Variants in GLDN observed in about 807,000 individuals in gnomAD.
GLDN encodes gliomedin.
In GLDN, 47 loss-of-function variants were observed where a neutral mutation model predicts 56.5. That is an observed-to-expected ratio of 0.83 (90% confidence interval 0.66 to 1.06). GLDN has a LOEUF of 1.06. Among genes scored for constraint, GLDN ranks in the 50% least tolerant of loss-of-function variants. The pLI, the probability that GLDN is intolerant of heterozygous loss-of-function variation, is 0.00. For synonymous variants in GLDN, 332 were observed against 278.8 expected, an observed-to-expected ratio of 1.19 and a Z score of -1.90; for missense variants, 782 against 714.3, an observed-to-expected ratio of 1.09 and a Z score of -1.08.
chr15:51,389,238 A>G (rs991947730), intron 4 of GLDN, among the ~76,000 whole-genome samples: 1 of 152,198 alleles, frequency 6.6e-6, no homozygotes, highest in Non-Finnish European at 1.5e-5. Flanking sequence ...GGCAGGGACT[A>G]TGTATTATAG....
At position 51,406,919 on chromosome 15, in the gene GLDN, T is replaced by C. The variant is rs550326296; in HGVS notation, c.*2165T>C. ...TGTCCTTTTAAAGTATTTAAATATA[T>C]ATGTTGCTGTTGCTGAATACAGGAG... On this transcript the variant is annotated 3_prime_UTR_variant, in exon 10 of 10. Coordinates refer to ENST00000335449, the MANE Select transcript of GLDN (RefSeq NM_181789.4). 1 of 152,348 alleles carries C rather than the reference T, an allele frequency of 6.6e-6. No homozygotes were observed. Among genetic ancestry groups the C allele is most frequent in the Admixed American group, 6.5e-5 (1 of 15,304 alleles). 9.4% of individuals were successfully genotyped at this position (152,348 alleles called of 1,614,324 possible).
intron 1 of GLDN, among the ~76,000 whole-genome samples, chr15:51,376,678 T>C (rs2037637518): frequency 1.3e-5 from 2 of 152,272 alleles, no homozygotes; most frequent in South Asian, 4.1e-4. Context: ...CTTTATATCC[T>C]TATTATGTAA....
intron 2 of GLDN, among the ~76,000 whole-genome samples, chr15:51,380,690 C>T (rs772013240): frequency 1.3e-5 from 2 of 152,194 alleles, no homozygotes; most frequent in Non-Finnish European, 2.9e-5. Context: ...TGGATTTCCT[C>T]CTCCAAGTGT....
chr15:51,383,147 G>A (rs551622761), intron 2 of GLDN, among the ~76,000 whole-genome samples: 2 of 152,280 alleles, frequency 1.3e-5, no homozygotes, highest in South Asian at 2.1e-4. Context: ...CTGGCCCTCC[G>A]TTTATTAGGT....
intron 4 of GLDN, among the ~76,000 whole-genome samples, chr15:51,386,838 T>G (rs2037906165): frequency 6.6e-6 from 1 of 151,934 alleles, no homozygotes; most frequent in Non-Finnish European, 1.5e-5. Flanking sequence ...CTCGACTGGA[T>G]GGATGGGTAA....
chr15:51,389,964 C>T (rs1181182892), intron 4 of GLDN, among the ~76,000 whole-genome samples: 1 of 152,182 alleles, frequency 6.6e-6, no homozygotes, highest in Non-Finnish European at 1.5e-5. Context: ...TGTAGCCTAA[C>T]GGTTGCTTCC....
intron 1 of GLDN, among the ~76,000 whole-genome samples, chr15:51,372,687 G>T (rs2037540645): frequency 6.6e-6 from 1 of 152,166 alleles, no homozygotes; most frequent in African/African-American, 2.4e-5. Flanking sequence ...TTCTCTCAGA[G>T]AAACTCTTCC....
rs1241931464 is a variant in GLDN at position 51,406,721 on chromosome 15, CTGTCAATGACT to C, written c.*1971_*1981del. 1 of 152,222 alleles carries C rather than the reference CTGTCAATGACT, an allele frequency of 6.6e-6. No individual in the cohort carries two copies. The highest frequency in any genetic ancestry group is 2.4e-5 in the African/African-American group (1 of 41,462). The allele number at this position is 152,222 out of a possible 1,614,324, so 9.4% of individuals were successfully genotyped here. On this transcript the variant is annotated 3_prime_UTR_variant, in exon 10 of 10. Transcript: ENST00000335449. ...TGCTCCCCTGAAAGTCCCCAGGCAG[CTGTCAATGACT>C]TGTTTGTTGTGTTCTCAATATGATG...
chr15:51,369,058 C>A (rs1031876381), intron 1 of GLDN: 1 of 152,140 alleles, frequency 6.6e-6, no homozygotes, highest in African/African-American at 2.4e-5. Context: ...AAGTCTTGGC[C>A]CCTGTGTGAA....
In GLDN at chr15:51,341,746, C is replaced by T; in HGVS notation, c.62C>T (p.Ala21Val). The part of the protein sequence containing the change: ...DAGWGLRGAL[A>V]AVALLSALNA... ...GGTTGGGGCCTGCGTGGCGCCCTGG[C>T]GGCCGTGGCGCTGCTCTCGGCGCTC... The change falls in exon 1 of 10, where the codon GCG becomes GTG. Residue 21 changes from alanine (A) to valine (V), a missense_variant. Transcript: ENST00000335449. 2.0e-6 allele frequency: 3 copies of T among 1,466,354 alleles called. No individual in the cohort carries two copies. The highest frequency in any genetic ancestry group is 1.8e-6 in the Non-Finnish European group (2 of 1,120,920). The allele number at this position is 1,466,354 out of a possible 1,614,324, so 90.8% of individuals were successfully genotyped here.
chr15:51,361,466 T>C (rs1035379264), intron 1 of GLDN, among the ~76,000 whole-genome samples: 1 of 152,080 alleles, frequency 6.6e-6, no homozygotes, highest in African/African-American at 2.4e-5. Flanking sequence ...TAGAGGTGGG[T>C]CCTAGAACAT....
At position 51,400,209 on chromosome 15, in the gene GLDN, C is replaced by G; in HGVS notation, c.835C>G (p.Pro279Ala). ...GQCPGETCAI[P>A]NDDTLVGKAD... Reference sequence around the variant, plus strand: ...CATTTTAGGTGAGACTTGTGCCATACCAAATGATGATACCTTGGTTGGAAA... The same window carrying G: ...CATTTTAGGTGAGACTTGTGCCATAGCAAATGATGATACCTTGGTTGGAAA... Residue 279 changes from proline (P) to alanine (A), a missense_variant, in exon 7 of 10, where the codon CCA becomes GCA. By Grantham distance (27) the Pro-to-Ala change is conservative. Coordinates refer to ENST00000335449, the MANE Select transcript of GLDN (RefSeq NM_181789.4). The G allele has an allele frequency of 6.2e-7, 1 of 1,614,064 alleles. No individual in the cohort carries two copies. The highest frequency in any genetic ancestry group is 8.5e-7 in the Non-Finnish European group (1 of 1,179,962).
At chr15:51,347,020 G>A (rs1003963943) in intron 1 of GLDN, among the ~76,000 whole-genome samples, 9 of 152,018 alleles carry the variant, frequency 5.9e-5, no homozygotes, top group African/African-American at 2.2e-4. Context: ...GAGCCGAGGT[G>A]GCACTACTGT....
intron 5 of GLDN, among the ~76,000 whole-genome samples, chr15:51,397,050 C>G (rs1206646587): frequency 1.3e-5 from 2 of 152,296 alleles, no homozygotes; most frequent in East Asian, 3.9e-4. Context: ...AGCACCATCC[C>G]TTATGAACCC....
intron 2 of GLDN, among the ~76,000 whole-genome samples, chr15:51,378,354 A>T (rs1477282019): frequency 1.3e-5 from 2 of 152,238 alleles, no homozygotes; most frequent in Admixed American, 6.5e-5. Context: ...AAAGATCTTC[A>T]GAACAGCTTG....
intron 4 of GLDN, 153 bp downstream of exon 4, chr15:51,384,045 G>T: frequency 1.4e-6 from 1 of 700,814 alleles, no homozygotes; most frequent in Admixed American, 2.2e-5. Context: ...ATTGCGTTCC[G>T]GGATACCAAG....
rs759993064 is a variant in GLDN at position 51,401,750 on chromosome 15, C to T, written c.1178+7C>T. 17 of 1,611,296 alleles carry T rather than the reference C, an allele frequency of 1.1e-5. No homozygotes were observed. Among genetic ancestry groups the T allele is most frequent in the East Asian group, 2.2e-5 (1 of 44,884 alleles). On this transcript the variant is annotated splice_region_variant and intron_variant, in intron 9 of 9. Transcript: ENST00000335449. Reference sequence around the variant, plus strand: ...GTTCTAATACCCTAGTGAGGTAAGTCGCACCACAGCACCTTCTCACGCCTC... The same window carrying T: ...GTTCTAATACCCTAGTGAGGTAAGTTGCACCACAGCACCTTCTCACGCCTC...
chr15:51,398,807 C>T (rs1475304489), intron 6 of GLDN, among the ~76,000 whole-genome samples: 2 of 152,294 alleles, frequency 1.3e-5, no homozygotes, highest in East Asian at 3.9e-4. Flanking sequence ...GAAGAATGAA[C>T]TGAGCGAGAC....
chr15:51,364,719 G>A (rs1333713221), intron 1 of GLDN, among the ~76,000 whole-genome samples: 1 of 152,014 alleles, frequency 6.6e-6, no homozygotes, highest in African/African-American at 2.4e-5. Context: ...TAATTTTTTT[G>A]TATCATTTCT....
Sources: allele counts gnomAD v4.1 joint callset (sites outside exome capture counted in the v4.1 genomes callset), GRCh38; gene constraint gnomAD v4.1.1; transcripts MANE v1.5; gene names NCBI Gene and HGNC (gene_info 2026-07-23, HGNC 2026-07-21).